Variants in HECTD2 observed in about 807,000 individuals in gnomAD.
The protein encoded by HECTD2 is HECT domain E3 ubiquitin protein ligase 2.
Under a neutral mutation model 103.2 loss-of-function variants are expected in HECTD2, and 35 were observed. The ratio of observed to expected loss-of-function variants is 0.34; its 90% CI spans 0.26 to 0.45. The LOEUF (loss-of-function observed/expected upper bound fraction) is 0.45, where lower values mean the gene tolerates loss of function less well. Among genes scored for constraint, HECTD2 ranks in the 20% least tolerant of loss-of-function variants. HECTD2 has a pLI of 1.00. For missense variants in HECTD2, 596 were observed against 937.4 expected (o/e 0.64, Z 4.76); for synonymous variants, 281 against 329.9 (o/e 0.85, Z 1.61).
chr10:91,438,830 G>A (rs1349617810), intron 2 of HECTD2, among the ~76,000 whole-genome samples: 1 of 152,208 alleles, frequency 6.6e-6, no homozygotes, highest in Non-Finnish European at 1.5e-5. Context: ...AATGACGAGT[G>A]ATGATGAGCT....
Position 91,483,002 on chromosome 10 carries a change from C to A in HECTD2, c.747C>A (p.Ile249=). 6.3e-7 allele frequency: 1 copy of A among 1,576,964 alleles called. No homozygotes were observed. The highest frequency in any genetic ancestry group is 8.7e-7 in the Non-Finnish European group (1 of 1,149,812). ...TTAATAACACATCTACGTATGTCAT[C>A]TATGCTCACTTGCTACGACAGATAG... ...PQFNNTSTYV[I]YAHLLRQIAT... is the part of the protein sequence containing the mutation. The change falls in exon 8 of 21, where the codon ATC becomes ATA. Residue 249 remains isoleucine (I), a synonymous_variant. Coordinates refer to ENST00000298068, the MANE Select transcript of HECTD2 (RefSeq NM_182765.6).
At chr10:91,433,458 T>G (rs940269968) in intron 2 of HECTD2, among the ~76,000 whole-genome samples, 1 of 151,998 alleles carries the variant, frequency 6.6e-6, no homozygotes, top group Non-Finnish European at 1.5e-5. Flanking sequence ...TTTTGTCCAG[T>G]TCATGTATTC....
intron 2 of HECTD2, among the ~76,000 whole-genome samples, chr10:91,452,036 A>C (rs1163165352): frequency 1.3e-5 from 2 of 152,162 alleles, no homozygotes; most frequent in Non-Finnish European, 2.9e-5. Context: ...CAACAACAGA[A>C]TGGAGGGGAT....
intron 12 of HECTD2, among the ~76,000 whole-genome samples, chr10:91,491,917 G>A (rs1170214695): frequency 2.0e-5 from 3 of 152,056 alleles, no homozygotes; most frequent in Admixed American, 6.6e-5. Flanking sequence ...GCTCACTGCC[G>A]CCTCAAACTC....
At chr10:91,453,187 T>C (rs1311632872) in intron 2 of HECTD2, among the ~76,000 whole-genome samples, 4 of 152,146 alleles carry the variant, frequency 2.6e-5, no homozygotes, top group African/African-American at 9.7e-5. Flanking sequence ...ATCCCAGTGT[T>C]TTGGGAGGCC....
chr10:91,479,337 CAT>C (rs1423335982), intron 6 of HECTD2, among the ~76,000 whole-genome samples: 1 of 152,036 alleles, frequency 6.6e-6, no homozygotes, highest in Non-Finnish European at 1.5e-5. Flanking sequence ...CTATCTGTAA[CAT>C]AAATTTCAGA....
chr10:91,505,592 A>T lies in HECTD2; in HGVS notation c.2210+4258A>T, dbSNP rs950062110. The stretch of plus-strand genomic sequence containing the variant: ...AGCTAACTATCCTAAATATATATGC[A>T]CCCAATACAGGAGCACCCAGATTCA... On this transcript the variant is annotated intron_variant, in intron 20 of 20. Transcript: ENST00000298068. 2.6e-3 allele frequency among the ~76,000 whole-genome samples: 393 copies of T among 150,978 alleles called. 1 individual carries two copies. The highest frequency in any genetic ancestry group is 9.1e-3 in the African/African-American group (374 of 41,248).
intron 2 of HECTD2, among the ~76,000 whole-genome samples, chr10:91,434,785 A>G (rs1247290634): frequency 6.6e-6 from 1 of 152,024 alleles, no homozygotes; most frequent in East Asian, 1.9e-4. Flanking sequence ...TTTGAATTCT[A>G]GCTCCGTAAC....
chr10:91,488,737 G>A (rs2133305617), intron 11 of HECTD2: 1 of 152,188 alleles, frequency 6.6e-6, no homozygotes, highest in South Asian at 2.1e-4. Flanking sequence ...CTATCACAGA[G>A]AAGGACAAAA....
chr10:91,445,558 A>G (rs1013789303), intron 2 of HECTD2, among the ~76,000 whole-genome samples: 1 of 152,164 alleles, frequency 6.6e-6, no homozygotes, highest in Non-Finnish European at 1.5e-5. Context: ...GCCTCAGTTT[A>G]GACATTATAC....
At chr10:91,492,281 C>G in intron 12 of HECTD2, 71 bp from the exon 13 acceptor site, 1 of 1,414,820 alleles carries the variant, frequency 7.1e-7, no homozygotes, top group South Asian at 1.2e-5. Flanking sequence ...AACACATTTC[C>G]CAGAATTAAA....
intron 20 of HECTD2, among the ~76,000 whole-genome samples, chr10:91,508,683 A>G (rs1412769399): frequency 1.4e-5 from 2 of 148,106 alleles, no homozygotes; most frequent in Non-Finnish European, 2.9e-5. Flanking sequence ...GTGGGACTGT[A>G]AACTAGTTCA....
intron 12 of HECTD2, among the ~76,000 whole-genome samples, chr10:91,491,694 T>C (rs1475723465): frequency 6.6e-6 from 1 of 152,154 alleles, no homozygotes; most frequent in Admixed American, 6.5e-5. Context: ...TCTATAAAAT[T>C]AGAGGTCTGA....
intron 12 of HECTD2, among the ~76,000 whole-genome samples, chr10:91,491,827 C>T (rs985568287): frequency 2.0e-5 from 3 of 152,060 alleles, no homozygotes; most frequent in African/African-American, 4.8e-5. Context: ...GCTGATTCCG[C>T]TATGTGATTT....
At chr10:91,485,348 A>G (rs760494442) in intron 10 of HECTD2, 45 bp downstream of exon 10, 20 of 1,430,178 alleles carry the variant, frequency 1.4e-5, no homozygotes, top group Non-Finnish European at 1.9e-5. Context: ...ATGAAATACT[A>G]TTCAAAAGAA....
intron 20 of HECTD2, among the ~76,000 whole-genome samples, chr10:91,503,254 G>C (rs1396610742): frequency 6.6e-6 from 1 of 152,068 alleles, no homozygotes; most frequent in Admixed American, 6.6e-5. Context: ...ATATTAAAAA[G>C]TCAAAAAATG....
chr10:91,461,024 G>A (rs1160343277), intron 3 of HECTD2, among the ~76,000 whole-genome samples: 2 of 152,082 alleles, frequency 1.3e-5, no homozygotes, highest in Non-Finnish European at 2.9e-5. Context: ...ATAATTGAGC[G>A]ACATGTTAAG....
intron 5 of HECTD2, chr10:91,464,644 C>A: frequency 6.3e-6 from 1 of 157,684 alleles, no homozygotes; most frequent in South Asian, 1.8e-4. Flanking sequence ...TTGAGTATTT[C>A]TCTTTACTAT....
chr10:91,437,869 G>T (rs184309277), intron 2 of HECTD2, among the ~76,000 whole-genome samples: 1 of 151,956 alleles, frequency 6.6e-6, no homozygotes, highest in East Asian at 1.9e-4. Context: ...TAGTTGTAGA[G>T]ATGAAAGTGA....
Sources: gnomAD v4.1 joint callset for allele counts (sites outside exome capture counted in the v4.1 genomes callset) on GRCh38, gnomAD v4.1.1 for gene constraint, MANE v1.5 for transcripts, NCBI Gene and HGNC (gene_info 2026-07-23, HGNC 2026-07-21) for gene names.